CCDC12: variants seen among roughly 807,000 people sequenced by gnomAD.
CCDC12 encodes the protein coiled-coil domain-containing protein 12.
Under a neutral mutation model 25.7 loss-of-function variants are expected in CCDC12, and 28 were observed. That is an observed-to-expected ratio of 1.09 (90% CI 0.81 to 1.50). The LOEUF (loss-of-function observed/expected upper bound fraction) is 1.50, where lower values mean the gene tolerates loss of function less well. CCDC12 is among the 40% of genes most tolerant of loss of function. CCDC12 has a pLI of 0.00. For missense variants in CCDC12, 198 were observed against 210.0 expected, an observed-to-expected ratio of 0.94 and a Z score of 0.35; for synonymous variants, 75 against 87.7, an observed-to-expected ratio of 0.86 and a Z score of 0.81.
intron 2 of CCDC12, among the ~76,000 whole-genome samples, chr3:46,938,720 C>T (rs144743684): frequency 6.6e-6 from 1 of 151,768 alleles, no homozygotes; most frequent in East Asian, 1.9e-4. Context: ...TAGTGGTGCG[C>T]ACCTGTGGTC....
chr3:46,925,686 G>C (rs2032924719), intron 2 of CCDC12, 151 bp from the exon 3 acceptor site: 1 of 727,316 alleles, frequency 1.4e-6, no homozygotes, highest in Admixed American at 3.0e-5. Flanking sequence ...ACAGAATGGA[G>C]TGTCATCAGG....
intron 2 of CCDC12, among the ~76,000 whole-genome samples, chr3:46,927,465 G>A (rs912386453): frequency 1.3e-5 from 2 of 152,174 alleles, no homozygotes; most frequent in African/African-American, 4.8e-5. Flanking sequence ...ACAGGGAACT[G>A]TACCCAGAAC....
At chr3:46,949,930 G>A (rs552449186) in intron 1 of CCDC12, among the ~76,000 whole-genome samples, 85 of 151,752 alleles carry the variant, frequency 5.6e-4, no homozygotes, top group African/African-American at 1.9e-3. Flanking sequence ...GGGAGGCTGA[G>A]GCAGGAGAAC....
intron 3 of CCDC12, 58 bp from the exon 4 acceptor site, chr3:46,923,726 G>A: frequency 7.3e-7 from 1 of 1,366,888 alleles, no homozygotes; most frequent in Non-Finnish European, 9.7e-7. Flanking sequence ...ACTCTGCAGG[G>A]ACACTGCCTA....
intron 1 of CCDC12, chr3:46,976,348 C>G: frequency 7.4e-7 from 1 of 1,344,754 alleles, no homozygotes; most frequent in Non-Finnish European, 9.6e-7. Context: ...GCCCTAGATA[C>G]CTACACGAGC....
At chr3:46,979,000 A>G (rs2035116472), upstream of CCDC12, among the ~76,000 whole-genome samples, 1 of 152,160 alleles carries the variant, frequency 6.6e-6, no homozygotes, top group South Asian at 2.1e-4. Context: ...AACAAAAAAC[A>G]GAGCCATGAG....
In CCDC12 at chr3:46,963,873, G is replaced by A. The variant is rs1295911160; in HGVS notation, c.96+12764C>T. Reference sequence around the variant, plus strand: ...CCGAGATTGCAGCCTCTGCTCGGCCGCCACCCCATCTGGGAAGTGAGGAGC... The same window carrying A: ...CCGAGATTGCAGCCTCTGCTCGGCCACCACCCCATCTGGGAAGTGAGGAGC... On this transcript the variant is annotated intron_variant, in intron 1 of 6. Transcript: ENST00000683445. Among the ~76,000 whole-genome samples, 16 of 152,218 alleles carry A rather than the reference G, an allele frequency of 1.1e-4. 1 individual carries two copies. The highest frequency in any genetic ancestry group is 9.8e-4 in the Admixed American group (15 of 15,288).
chr3:46,936,486 G>A (rs529591572), intron 2 of CCDC12, among the ~76,000 whole-genome samples: 2 of 152,316 alleles, frequency 1.3e-5, no homozygotes, highest in African/African-American at 2.4e-5. Context: ...TGTTCGTCAG[G>A]TGAAGCAAGT....
At chr3:46,941,154 C>A in intron 1 of CCDC12, 89 bp from the exon 2 acceptor site, 2 of 1,275,876 alleles carry the variant, frequency 1.6e-6, no homozygotes, top group Non-Finnish European at 2.3e-6. Context: ...CAGGACATCT[C>A]AGAAGGGGGG....
At chr3:46,958,361 T>C (rs4682836) in intron 1 of CCDC12, among the ~76,000 whole-genome samples, 143,724 of 152,128 alleles carry the variant, frequency 0.94, 68,462 homozygotes, top group East Asian at 1. Context: ...AAGAAGTTAA[T>C]CATTTAAGTC....
chr3:46,925,516 A>G lies in CCDC12; in HGVS notation c.184T>C (p.Tyr62His). The change falls in exon 3 of 7, where the codon TAT becomes CAT. Residue 62 changes from tyrosine (Y) to histidine (H), a missense_variant. Transcript: ENST00000683445. Reference sequence around the variant, plus strand: ...TTCAGGTCCTCATCCTCCGGGACATAGTTCCGCAGCCTAAGTTCCCTGCAA... The same window carrying G: ...TTCAGGTCCTCATCCTCCGGGACATGGTTCCGCAGCCTAAGTTCCCTGCAA... ...EKHRELRLRN[Y>H]VPEDEDLKKR... The G allele has an allele frequency of 6.3e-7, 1 of 1,591,010 alleles. No homozygotes were observed. Among genetic ancestry groups the G allele is most frequent in the Non-Finnish European group, 8.6e-7 (1 of 1,163,662 alleles).
chr3:46,971,763 C>T (rs528112359), intron 1 of CCDC12, among the ~76,000 whole-genome samples: 1 of 152,310 alleles, frequency 6.6e-6, no homozygotes, highest in East Asian at 1.9e-4. Flanking sequence ...GGACCTGCCA[C>T]TGAGTGCTAG....
intron 1 of CCDC12, 93 bp downstream of exon 1, chr3:46,976,544 G>A (rs1205747659): frequency 3.8e-5 from 56 of 1,491,580 alleles, no homozygotes; most frequent in Admixed American, 4.7e-5. Flanking sequence ...CTCGGCAGCT[G>A]TCTTTCCTTA....
rs144484341 is a variant in CCDC12, at chr3:46,923,203, G to A, written c.341+126C>T. ...ACTGGTTTCCAACAGTAGCTATCTC[G>A]TGTAACTCTATGTCTGTACTGCCAG... On this transcript the variant is annotated intron_variant, in intron 5 of 6. Coordinates refer to ENST00000683445, the MANE Select transcript of CCDC12 (RefSeq NM_001277074.2). 45 of 985,656 alleles carry A rather than the reference G, an allele frequency of 4.6e-5. No homozygotes were observed. In the East Asian group the frequency reaches 4.7e-4, roughly 10 times the overall value. 61.1% of individuals were successfully genotyped at this position (985,656 alleles called of 1,614,324 possible).
At chr3:46,966,214 A>C (rs1348819106) in intron 1 of CCDC12, 1 of 152,536 alleles carries the variant, frequency 6.6e-6, no homozygotes, top group Non-Finnish European at 1.5e-5. Context: ...TGAAAAAAGA[A>C]AGAAAGAAAG....
intron 1 of CCDC12, among the ~76,000 whole-genome samples, chr3:46,946,651 T>C (rs1440183228): frequency 1.3e-5 from 2 of 152,188 alleles, no homozygotes; most frequent in Non-Finnish European, 2.9e-5. Context: ...ACGGGCACTG[T>C]GGTAGCCTAC....
chr3:46,981,725 G>A (rs4682833), upstream of CCDC12, among the ~76,000 whole-genome samples: 143,207 of 152,196 alleles, frequency 0.94, 68,006 homozygotes, highest in East Asian at 1. Context: ...AAACCAGCTG[G>A]TGAGTGTGAG....
intron 2 of CCDC12, 108 bp from the exon 3 acceptor site, chr3:46,925,643 C>G (rs2032921399): frequency 1.1e-6 from 1 of 943,740 alleles, no homozygotes; most frequent in Admixed American, 2.8e-5. Context: ...TTCCTCTGCA[C>G]TCTCTGGAGA....
At chr3:46,949,021 G>T (rs1018068682) in intron 1 of CCDC12, among the ~76,000 whole-genome samples, 1 of 152,232 alleles carries the variant, frequency 6.6e-6, no homozygotes, top group South Asian at 2.1e-4. Context: ...CAGGGCAGGG[G>T]TTCTTATCCT....
Sources: gnomAD v4.1 joint callset for allele counts (sites outside exome capture counted in the v4.1 genomes callset) on GRCh38, gnomAD v4.1.1 for gene constraint, MANE v1.5 for transcripts, NCBI Gene and HGNC (gene_info 2026-07-23, HGNC 2026-07-21) for gene names.